DIAPH2: variants seen among roughly 807,000 people sequenced by gnomAD.
DIAPH2 encodes the protein diaphanous related formin 2, also known as protein diaphanous homolog 2.
Under a neutral mutation model 92.7 loss-of-function variants are expected in DIAPH2, and 35 were observed. That is an observed-to-expected ratio of 0.38 (90% CI 0.29 to 0.50). The LOEUF is 0.50. DIAPH2 is among the 20% of genes least tolerant of loss of function. The pLI is 0.94. For missense variants in DIAPH2, 701 were observed against 819.5 expected, an observed-to-expected ratio of 0.86 and a Z score of 1.77; for synonymous variants, 301 against 280.4, an observed-to-expected ratio of 1.07 and a Z score of -0.73.
At chrX:96,723,470 G>A (rs928294019) in intron 1 of DIAPH2, among the ~76,000 whole-genome samples, 1 of 111,633 alleles carries the variant, frequency 9.0e-6, no homozygotes, top group African/African-American at 3.3e-5. Flanking sequence ...GAAAAATCAA[G>A]TTTTTTACAC....
rs749919682 is a variant in DIAPH2, at chrX:97,441,730, C to G, written c.3241+11985C>G. Among the ~76,000 whole-genome samples, 4 of 112,554 alleles carry G rather than the reference C, an allele frequency of 3.6e-5. No homozygotes were observed. In the South Asian group the frequency reaches 1.5e-3, roughly 41 times the overall value. On this transcript the variant is annotated intron_variant, in intron 26 of 26. Coordinates refer to ENST00000324765, the MANE Select transcript of DIAPH2 (RefSeq NM_006729.5). ...ACTGGAGGCTGAGGCAGGAGAATGGCTTGAACCAGGAAGTCAGAGGTTGCA... is the reference window on the plus strand; with the variant it reads ...ACTGGAGGCTGAGGCAGGAGAATGGGTTGAACCAGGAAGTCAGAGGTTGCA...
chrX:97,300,412 G>T (rs1410951801), intron 23 of DIAPH2, among the ~76,000 whole-genome samples: 3 of 110,561 alleles, frequency 2.7e-5, no homozygotes, highest in African/African-American at 9.9e-5. Context: ...TGAGGAAAAA[G>T]AAATAACATT....
chrX:96,927,927 C>A (rs1380912188), intron 9 of DIAPH2, among the ~76,000 whole-genome samples: 4 of 111,377 alleles, frequency 3.6e-5, no homozygotes, highest in Admixed American at 9.6e-5. Context: ...TACTAGACAA[C>A]ATATTGTTTA....
intron 4 of DIAPH2, among the ~76,000 whole-genome samples, chrX:96,840,677 C>T (rs1390090566): frequency 6.3e-5 from 7 of 110,700 alleles, no homozygotes; most frequent in African/African-American, 9.9e-5. Flanking sequence ...GGCGTGATCT[C>T]GGCTCACTGC....
intron 23 of DIAPH2, among the ~76,000 whole-genome samples, chrX:97,276,095 C>G (rs994845563): frequency 1.8e-5 from 2 of 112,121 alleles, no homozygotes; most frequent in East Asian, 5.7e-4. Flanking sequence ...GCCAACACAG[C>G]GAAACCCCGT....
At chrX:96,737,153 T>A (rs1282333315) in intron 2 of DIAPH2, among the ~76,000 whole-genome samples, 2 of 111,805 alleles carry the variant, frequency 1.8e-5, no homozygotes, top group Non-Finnish European at 3.8e-5. Flanking sequence ...TCACCTTCTC[T>A]GTGAAATGAG....
intron 24 of DIAPH2, among the ~76,000 whole-genome samples, chrX:97,351,242 A>G (rs2069209491): frequency 8.9e-6 from 1 of 112,344 alleles, no homozygotes. Flanking sequence ...CTACTATCTG[A>G]AAAGACCTTG....
intron 23 of DIAPH2, among the ~76,000 whole-genome samples, chrX:97,275,446 C>T (rs75572248): frequency 6.7e-5 from 7 of 104,630 alleles, no homozygotes; most frequent in African/African-American, 2.4e-4. Context: ...CCAGACGGGG[C>T]GGCTGCCGGG....
At chrX:97,072,789 T>TA in intron 17 of DIAPH2, 152 bp from the exon 18 acceptor site, 1 of 372,934 alleles carries the variant, frequency 2.7e-6, no homozygotes, top group Non-Finnish European at 4.6e-6. Context: ...TCTGTATTTT[T>TA]ATGTTTATCC....
chrX:97,188,424 A>G (rs1385312125), intron 22 of DIAPH2, among the ~76,000 whole-genome samples: 6 of 111,942 alleles, frequency 5.4e-5, no homozygotes, highest in Non-Finnish European at 1.1e-4. Context: ...TAGTGGAGGA[A>G]GCAGAAGCAA....
chrX:96,745,062 A>G lies in DIAPH2; in HGVS notation c.342+6300A>G, dbSNP rs763758791. On this transcript the variant is annotated intron_variant, in intron 3 of 26. Transcript: ENST00000324765. Reference sequence around the variant, plus strand: ...GCTCTTGTTGCCCAGGCTGGAGTGCAATGGCGCGATCTTGGTTCATTGCAA... The same window carrying G: ...GCTCTTGTTGCCCAGGCTGGAGTGCGATGGCGCGATCTTGGTTCATTGCAA... Among the ~76,000 whole-genome samples the G allele has an allele frequency of 4.7e-5, 5 of 106,747 alleles. No individual in the cohort carries two copies. The South Asian group carries it at 1.7e-3, about 36-fold the overall frequency. 92.7% of individuals were successfully genotyped at this position (106,747 alleles called of 115,157 possible). A position where few individuals can be genotyped will look rare whatever the true frequency, so the allele number is the denominator to read the frequency against.
chrX:97,204,511 T>C (rs752318933), intron 22 of DIAPH2, among the ~76,000 whole-genome samples: 6 of 111,895 alleles, frequency 5.4e-5, no homozygotes, highest in Non-Finnish European at 9.4e-5. Context: ...ATCACAAGCA[T>C]TTCTATACAG....
intron 8 of DIAPH2, 67 bp downstream of exon 8, chrX:96,916,641 C>T: frequency 9.9e-7 from 1 of 1,008,855 alleles, no homozygotes; most frequent in Non-Finnish European, 1.3e-6. Flanking sequence ...ATAAGTCCTA[C>T]TTTTGTTCTC....
At chrX:96,815,862 G>T (rs1159163478) in intron 4 of DIAPH2, among the ~76,000 whole-genome samples, 1 of 110,648 alleles carries the variant, frequency 9.0e-6, no homozygotes, top group Non-Finnish European at 1.9e-5. Flanking sequence ...TGGAGACAGG[G>T]TTTCACCACG....
chrX:97,541,118 C>G (rs942848585), intron 26 of DIAPH2, among the ~76,000 whole-genome samples: 1 of 111,260 alleles, frequency 9.0e-6, no homozygotes, highest in Non-Finnish European at 1.9e-5. Context: ...ACCTAACTTC[C>G]CAATTAAACA....
intron 26 of DIAPH2, among the ~76,000 whole-genome samples, chrX:97,458,953 TGA>T (rs776266680): frequency 1.6e-3 from 178 of 111,626 alleles, no homozygotes; most frequent in Non-Finnish European, 2.7e-3. Context: ...ATGGGGATCT[TGA>T]AAACGCTTCC....
At position 96,958,090 on chromosome X, in the gene DIAPH2, T is replaced by A. The variant is rs1180515933; in HGVS notation, c.1877T>A (p.Met626Lys). 8.3e-7 allele frequency: 1 copy of A among 1,210,754 alleles called. No homozygotes were observed. Among genetic ancestry groups the A allele is most frequent in the Admixed American group, 2.2e-5 (1 of 45,835 alleles). ...ATATCACTTAATCTACCTTATGGAA[T>A]GAAGCAGAAAAAAATGTATAAACCT... ...PGISLNLPYG[M>K]KQKKMYKPEV... Residue 626 changes from methionine to lysine, a missense_variant, in exon 16 of 27, where the codon ATG becomes AAG. Around this residue, in one of 3 missense-constraint regions of DIAPH2, gnomAD observed 536 missense variants for 599.3 expected, o/e 0.89. Coordinates refer to ENST00000324765, the MANE Select transcript of DIAPH2 (RefSeq NM_006729.5).
chrX:97,102,694 C>T (rs748328262), intron 20 of DIAPH2, among the ~76,000 whole-genome samples: 10 of 112,072 alleles, frequency 8.9e-5, no homozygotes, highest in African/African-American at 2.9e-4. Context: ...AATCCCAGCA[C>T]TTTGGGAAGC....
intron 17 of DIAPH2, among the ~76,000 whole-genome samples, chrX:97,038,444 A>G (rs1185657166): frequency 9.0e-6 from 1 of 111,330 alleles, no homozygotes; most frequent in Non-Finnish European, 1.9e-5. Flanking sequence ...ACTGTTTTCC[A>G]TAGTCATTTT....
Sources: allele counts gnomAD v4.1 joint callset (sites outside exome capture counted in the v4.1 genomes callset), GRCh38; gene constraint gnomAD v4.1.1; regional missense constraint gnomAD v4.1.1; transcripts MANE v1.5; gene names NCBI Gene and HGNC (gene_info 2026-07-23, HGNC 2026-07-21).